Variants in DGKD observed in about 807,000 individuals in gnomAD.
DGKD encodes diacylglycerol kinase delta.
DGKD carries 68 observed loss-of-function variants against 154.4 expected under a neutral mutation model. The observed-to-expected ratio is 0.44, with a 90% CI of 0.36 to 0.54. The LOEUF (loss-of-function observed/expected upper bound fraction) is 0.54, where lower values mean the gene tolerates loss of function less well. DGKD is among the 20% of genes least tolerant of loss of function. The pLI, the probability that DGKD is intolerant of heterozygous loss-of-function variation, is 0.00. For synonymous variants in DGKD, 693 were observed against 638.0 expected (o/e 1.09, Z -1.30); for missense variants, 1,343 against 1,593.6 (o/e 0.84, Z 2.68).
At chr2:233,419,501 G>A in intron 3 of DGKD, 1 of 955,402 alleles carries the variant, frequency 1.0e-6, no homozygotes, top group Non-Finnish European at 1.2e-6. Flanking sequence ...TTGGAATTAA[G>A]CGGAAGGAAT....
At chr2:233,391,477 A>G (rs2125447617) in intron 3 of DGKD, among the ~76,000 whole-genome samples, 1 of 152,176 alleles carries the variant, frequency 6.6e-6, no homozygotes, top group Admixed American at 6.5e-5. Flanking sequence ...TCATGATATT[A>G]TTTAATGGCT....
chr2:233,469,454 G>A lies in DGKD; in HGVS notation c.3639G>A (p.Glu1213=), dbSNP rs1183009469. The A allele has an allele frequency of 2.5e-6, 4 of 1,598,378 alleles. No homozygotes were observed. The highest frequency in any genetic ancestry group is 3.4e-6 in the Non-Finnish European group (4 of 1,173,790). The change falls in exon 30 of 30, where the codon GAG becomes GAA. Residue 1213 remains glutamate (E), a synonymous_variant. Transcript: ENST00000264057. ...TGAGCCGCAGCGCCCCCGCCGTCGA[G>A]GCCTAGCCTCTGTCCTCTCAGCCTG... ...KELSRSAPAV[E]A is the part of the protein sequence containing the mutation.
chr2:233,428,205 G>A (rs1346195802), intron 3 of DGKD, among the ~76,000 whole-genome samples: 1 of 152,132 alleles, frequency 6.6e-6, no homozygotes, highest in African/African-American at 2.4e-5. Flanking sequence ...CGCCAGGAGG[G>A]GTGTGCTGAG....
chr2:233,467,207 C>T lies in DGKD; in HGVS notation c.3424+4C>T, dbSNP rs1330211698. The T allele has an allele frequency of 6.3e-7, 1 of 1,598,162 alleles. No individual in the cohort carries two copies. Among genetic ancestry groups the T allele is most frequent in the South Asian group, 1.1e-5 (1 of 90,768 alleles). ...CACAGTAGCCTGGGAGCCCCGGGTA[C>T]CTGCCTCTCTCCCGCGTGTGTTTCT... On this transcript the variant is annotated splice_donor_region_variant and intron_variant, in intron 28 of 29. Transcript: ENST00000264057.
At chr2:233,442,725 C>T (rs1031572834) in intron 10 of DGKD, 1 of 155,786 alleles carries the variant, frequency 6.4e-6, no homozygotes, top group Non-Finnish European at 1.4e-5. Flanking sequence ...CCTGCCTCAG[C>T]CTCCTAAATA....
At chr2:233,410,198 A>G (rs1372014165) in intron 3 of DGKD, among the ~76,000 whole-genome samples, 7 of 152,034 alleles carry the variant, frequency 4.6e-5, no homozygotes, top group Admixed American at 4.6e-4. Context: ...AGATGTTTGG[A>G]AAATAGTTAA....
chr2:233,440,344 C>A lies in DGKD; in HGVS notation c.1086-1543C>A, dbSNP rs1575124370. ...TGCCGCATCACCTATGCCTGTCTGTCTTCTGAGCACTCATTCTGGGTCAGA... is the reference window on the plus strand; with the variant it reads ...TGCCGCATCACCTATGCCTGTCTGTATTCTGAGCACTCATTCTGGGTCAGA... On this transcript the variant is annotated intron_variant, in intron 9 of 29. Transcript: ENST00000264057. This position sits in a 1 kb window ranked among gnomAD's most constrained non-coding sequence, Gnocchi z 4.9. Among the ~76,000 whole-genome samples the A allele has an allele frequency of 2.0e-5, 3 of 152,178 alleles. No homozygotes were observed. Among genetic ancestry groups the A allele is most frequent in the African/African-American group, 7.2e-5 (3 of 41,440 alleles).
intron 3 of DGKD, among the ~76,000 whole-genome samples, chr2:233,405,849 A>G (rs906223091): frequency 1.4e-4 from 22 of 152,362 alleles, no homozygotes; most frequent in African/African-American, 5.0e-4. Context: ...TACTGCATAT[A>G]TAAAGGGCAG....
chr2:233,388,215 C>G (rs1703316208), intron 1 of DGKD, 42 bp from the exon 2 acceptor site: 3 of 1,595,062 alleles, frequency 1.9e-6, no homozygotes, highest in East Asian at 4.5e-5. Context: ...TGAAAGGGCA[C>G]CTTGAAAACG....
Position 233,410,263 on chromosome 2 carries a change from G to T in DGKD, c.348+19780G>T, listed in dbSNP as rs143223207. 3.3e-5 allele frequency among the ~76,000 whole-genome samples: 5 copies of T among 152,260 alleles called. No homozygotes were observed. In the East Asian group the frequency reaches 7.7e-4, roughly 23 times the overall value. On this transcript the variant is annotated intron_variant, in intron 3 of 29. Coordinates refer to ENST00000264057, the MANE Select transcript of DGKD (RefSeq NM_152879.3). ...GATTTTTTTTCTCTTTGAAGAAAGA[G>T]GGGGGGCTCAAGGGACACTGACCTT...
intron 3 of DGKD, among the ~76,000 whole-genome samples, chr2:233,391,363 G>A (rs1703599992): frequency 6.6e-6 from 1 of 151,966 alleles, no homozygotes; most frequent in Admixed American, 6.6e-5. Flanking sequence ...TTACCTACAT[G>A]TACCCATGAG....
intron 1 of DGKD, among the ~76,000 whole-genome samples, chr2:233,383,330 C>T (rs953793490): frequency 2.8e-4 from 43 of 152,200 alleles, no homozygotes; most frequent in African/African-American, 8.9e-4. Flanking sequence ...CATGAGCCAC[C>T]GCGCCCAGCC....
intron 1 of DGKD, among the ~76,000 whole-genome samples, chr2:233,366,488 T>C (rs1343677297): frequency 6.6e-6 from 1 of 152,176 alleles, no homozygotes; most frequent in African/African-American, 2.4e-5. Context: ...AATGGAACTC[T>C]TCTCTGATAT....
chr2:233,449,311 A>G lies in DGKD; in HGVS notation c.1823A>G (p.Gln608Arg). Residue 608 changes from glutamine to arginine, a missense_variant, in exon 15 of 30, where the codon CAG (glutamine) becomes CGG (arginine). By Grantham distance (43) the Gln-to-Arg change is conservative. Transcript: ENST00000264057. The surrounding 1 kb of genome is among the most constrained non-coding windows in gnomAD (Gnocchi z 5.3). ...CCGCAGATATTCCGGCCTCGAGAAC[A>G]GCTCATGCTGAGAGCCAACAGCCTG... ...ARPQIFRPRE[Q>R]LMLRANSLKK... 6.2e-7 allele frequency: 1 copy of G among 1,612,788 alleles called. No homozygotes were observed. The highest frequency in any genetic ancestry group is 8.5e-7 in the Non-Finnish European group (1 of 1,178,988).
intron 3 of DGKD, among the ~76,000 whole-genome samples, chr2:233,417,775 G>C (rs752314775): frequency 6.6e-6 from 1 of 152,184 alleles, no homozygotes; most frequent in Non-Finnish European, 1.5e-5. Context: ...AGGCAGTGGG[G>C]GAGGTGAGAT....
intron 12 of DGKD, among the ~76,000 whole-genome samples, chr2:233,447,224 G>A (rs1438929001): frequency 6.6e-6 from 1 of 151,874 alleles, no homozygotes; most frequent in Non-Finnish European, 1.5e-5. Context: ...CCACCTCTCT[G>A]TGGCGTCTGC....
Position 233,459,973 on chromosome 2 carries a change from T to A in DGKD, c.2829+82T>A. ...TGTGTGCACTGTTAAGAGCTGGAGC[T>A]TTTTGTGTTTTGTTCTAGGATTTTT... On this transcript the variant is annotated intron_variant, in intron 23 of 29. Coordinates refer to ENST00000264057, the MANE Select transcript of DGKD (RefSeq NM_152879.3). This position sits in a 1 kb window ranked among gnomAD's most constrained non-coding sequence, Gnocchi z 5.7. 1.3e-6 allele frequency: 2 copies of A among 1,502,446 alleles called. No homozygotes were observed. The highest frequency in any genetic ancestry group is 2.7e-5 in the South Asian group (2 of 73,874). The allele number at this position is 1,502,446 out of a possible 1,614,324, so 93.1% of individuals were successfully genotyped here.
intron 3 of DGKD, among the ~76,000 whole-genome samples, chr2:233,398,276 G>A (rs963368269): frequency 4.0e-5 from 6 of 151,608 alleles, no homozygotes; most frequent in Admixed American, 1.3e-4. Context: ...CTGAGTGGCT[G>A]GGAGTACAGG....
Position 233,437,367 on chromosome 2 carries a change from C to T in DGKD, c.820-10C>T, listed in dbSNP as rs1230553529. The T allele has an allele frequency of 6.2e-7, 1 of 1,613,896 alleles. No homozygotes were observed. The highest frequency in any genetic ancestry group is 1.7e-5 in the Admixed American group (1 of 60,030). Reference sequence around the variant, plus strand: ...AGTGACCCTTGGTGACGCGGGGACTCTTGTTTCAGGTTCACACATCGTGTA... The same window carrying T: ...AGTGACCCTTGGTGACGCGGGGACTTTTGTTTCAGGTTCACACATCGTGTA... On this transcript the variant is annotated splice_polypyrimidine_tract_variant and intron_variant, in intron 7 of 29. Transcript: ENST00000264057.
Sources: gnomAD v4.1 joint callset for allele counts (sites outside exome capture counted in the v4.1 genomes callset) on GRCh38, gnomAD v4.1.1 for gene constraint, Gnocchi (gnomAD v3.1) non-coding constraint, MANE v1.5 for transcripts, NCBI Gene and HGNC (gene_info 2026-07-23, HGNC 2026-07-21) for gene names.